The following ZCWPW2 variants were observed in gnomAD, a reference collection of about 807,000 sequenced individuals.
The protein encoded by ZCWPW2 is zinc finger CW-type and PWWP domain containing 2.
In ZCWPW2, 45 loss-of-function variants were observed where a neutral mutation model predicts 46.6. That is an observed-to-expected ratio of 0.96 (90% CI 0.76 to 1.24). The LOEUF is 1.24. ZCWPW2 is among the 50% of genes most tolerant of loss of function. ZCWPW2 has a pLI of 0.00. For synonymous variants in ZCWPW2, 152 were observed against 137.1 expected, an observed-to-expected ratio of 1.11 and a Z score of -0.76; for missense variants, 429 against 403.9, an observed-to-expected ratio of 1.06 and a Z score of -0.53.
At chr3:28,389,482 G>C (rs898864305) in intron 1 of ZCWPW2, among the ~76,000 whole-genome samples, 4 of 152,122 alleles carry the variant, frequency 2.6e-5, no homozygotes, top group African/African-American at 4.8e-5. Context: ...AGCATCCATT[G>C]GTGATATTTT....
Position 28,520,982 on chromosome 3 carries a change from G to A in ZCWPW2, c.785-10G>A. ...GTAGCATTTTTACTGTATTAATCCT[G>A]TTTTTTTAGTTGTCTGTGAGACGGA... On this transcript the variant is annotated splice_polypyrimidine_tract_variant and intron_variant, in intron 8 of 9. Coordinates refer to ENST00000383768, the MANE Select transcript of ZCWPW2 (RefSeq NM_001040432.4). The A allele has an allele frequency of 6.2e-7, 1 of 1,613,020 alleles. No homozygotes were observed. Among genetic ancestry groups the A allele is most frequent in the African/African-American group, 1.3e-5 (1 of 74,976 alleles).
intron 4 of ZCWPW2, among the ~76,000 whole-genome samples, chr3:28,474,775 A>G (rs1699173212): frequency 6.6e-6 from 1 of 151,792 alleles, no homozygotes; most frequent in Non-Finnish European, 1.5e-5. Flanking sequence ...TTGGGTATTG[A>G]GAAGTCTCAT....
intron 4 of ZCWPW2, among the ~76,000 whole-genome samples, chr3:28,470,236 T>C (rs932185153): frequency 1.3e-5 from 2 of 152,106 alleles, no homozygotes; most frequent in Non-Finnish European, 1.5e-5. Flanking sequence ...GGCTCGCGCC[T>C]GTAATCCCAG....
At chr3:28,502,319 C>T (rs111939698) in intron 6 of ZCWPW2, among the ~76,000 whole-genome samples, 1 of 152,014 alleles carries the variant, frequency 6.6e-6, no homozygotes, top group Admixed American at 6.6e-5. Context: ...TGAAGGCAAG[C>T]AAAGAATCCC....
chr3:28,466,706 C>T (rs955892310), intron 4 of ZCWPW2, among the ~76,000 whole-genome samples: 5 of 151,936 alleles, frequency 3.3e-5, no homozygotes, highest in Middle Eastern at 6.8e-3. Context: ...GGCTCAGGCA[C>T]GAAAATTGCT....
chr3:28,409,200 A>T (rs1383863799), intron 2 of ZCWPW2, among the ~76,000 whole-genome samples: 2 of 143,938 alleles, frequency 1.4e-5, no homozygotes, highest in Non-Finnish European at 3.0e-5. Flanking sequence ...GCTCACTGCA[A>T]CTTCTGCCTC....
At chr3:28,372,061 T>C (rs556094652) in intron 1 of ZCWPW2, among the ~76,000 whole-genome samples, 9 of 151,804 alleles carry the variant, frequency 5.9e-5, no homozygotes, top group South Asian at 2.1e-4. Flanking sequence ...TCCTCCTCCT[T>C]CTTCCTCCTT....
Position 28,359,973 on chromosome 3 carries a change from G to T in ZCWPW2, c.-134+10770G>T, listed in dbSNP as rs1234124221. ...TGAAATTTATTTGTTTTGCTAACAGGATGATATGTTTAAAACCAAATATAT... is the reference window on the plus strand; with the variant it reads ...TGAAATTTATTTGTTTTGCTAACAGTATGATATGTTTAAAACCAAATATAT... On this transcript the variant is annotated intron_variant, in intron 1 of 9. Transcript: ENST00000383768. Among the ~76,000 whole-genome samples the T allele has an allele frequency of 3.3e-5, 5 of 151,976 alleles. No individual in the cohort carries two copies. The East Asian group carries it at 9.6e-4, about 29-fold the overall frequency.
intron 4 of ZCWPW2, among the ~76,000 whole-genome samples, chr3:28,465,994 C>A (rs1475841157): frequency 2.6e-5 from 4 of 152,164 alleles, no homozygotes; most frequent in South Asian, 2.1e-4. Context: ...TACTACGTAG[C>A]CATAAAAAGA....
In ZCWPW2 at chr3:28,435,266, A is replaced by G. The variant is rs987482719; in HGVS notation, c.489A>G (p.Leu163=). The change falls in exon 4 of 10, where the codon TTA becomes TTG. Residue 163 remains leucine, a synonymous_variant. Transcript: ENST00000383768. ...TCGTTGGACATTATAGTATCACATTAAAGGTAGGTATCATAACATCAAAAC... is the reference window on the plus strand; with the variant it reads ...TCGTTGGACATTATAGTATCACATTGAAGGTAGGTATCATAACATCAAAAC... ...ATFVGHYSIT[L]KPEKCKNKKK... 6.2e-7 allele frequency: 1 copy of G among 1,601,666 alleles called. No homozygotes were observed. Among genetic ancestry groups the G allele is most frequent in the African/African-American group, 1.3e-5 (1 of 74,372 alleles).
At chr3:28,384,121 T>G (rs1298275391) in intron 1 of ZCWPW2, among the ~76,000 whole-genome samples, 1 of 152,180 alleles carries the variant, frequency 6.6e-6, no homozygotes, top group Non-Finnish European at 1.5e-5. Flanking sequence ...CTGCTGGTAT[T>G]AATAGTAGAA....
intron 2 of ZCWPW2, among the ~76,000 whole-genome samples, chr3:28,409,412 GC>G (rs1229129026): frequency 2.0e-5 from 3 of 151,440 alleles, no homozygotes; most frequent in African/African-American, 7.3e-5. Flanking sequence ...GAGGAACCAT[GC>G]CCGGCCACTG....
At chr3:28,466,253 G>A (rs1194382564) in intron 4 of ZCWPW2, among the ~76,000 whole-genome samples, 1 of 152,104 alleles carries the variant, frequency 6.6e-6, no homozygotes, top group Non-Finnish European at 1.5e-5. Context: ...TTGCCTGGGT[G>A]ATGAAATAAT....
intron 4 of ZCWPW2, among the ~76,000 whole-genome samples, chr3:28,455,925 C>T (rs1390916151): frequency 6.6e-6 from 1 of 152,146 alleles, no homozygotes; most frequent in African/African-American, 2.4e-5. Flanking sequence ...CATGATACCT[C>T]CAGCTTTGTT....
intron 6 of ZCWPW2, among the ~76,000 whole-genome samples, chr3:28,502,737 G>C (rs1026324215): frequency 6.6e-6 from 1 of 152,120 alleles, no homozygotes; most frequent in Non-Finnish European, 1.5e-5. Context: ...GCTTATTGTC[G>C]CTAGGGTTGC....
intron 1 of ZCWPW2, chr3:28,351,659 T>C (rs1450583496): frequency 6.6e-6 from 1 of 151,638 alleles, no homozygotes; most frequent in Non-Finnish European, 1.5e-5. Context: ...TTTAAGTGAA[T>C]TTCTGATTAG....
At chr3:28,435,378 T>C (rs1012130587) in intron 4 of ZCWPW2, 109 bp downstream of exon 4, 7 of 957,576 alleles carry the variant, frequency 7.3e-6, no homozygotes, top group Non-Finnish European at 1.0e-5. Flanking sequence ...ATTGATATAA[T>C]GTATGCTGTT....
intron 4 of ZCWPW2, among the ~76,000 whole-genome samples, chr3:28,440,430 G>A (rs1411795866): frequency 2.0e-5 from 3 of 152,192 alleles, no homozygotes; most frequent in Middle Eastern, 3.2e-3. Flanking sequence ...GGTGAGTGAT[G>A]CCACTTCCAT....
At chr3:28,408,969 C>T (rs1696278079) in intron 2 of ZCWPW2, among the ~76,000 whole-genome samples, 1 of 151,998 alleles carries the variant, frequency 6.6e-6, no homozygotes, top group Admixed American at 6.6e-5. Flanking sequence ...GGTAAAGAGC[C>T]ATTTCGGACC....
Sources: gnomAD v4.1 joint callset for allele counts (sites outside exome capture counted in the v4.1 genomes callset) on GRCh38, gnomAD v4.1.1 for gene constraint, MANE v1.5 for transcripts, NCBI Gene and HGNC (gene_info 2026-07-23, HGNC 2026-07-21) for gene names.